The following GCNT2 variants were observed in gnomAD, a reference collection of about 807,000 sequenced individuals.
GCNT2 encodes glucosaminyl (N-acetyl) transferase 2 (I blood group).
A neutral mutation model predicts 34.2 loss-of-function variants in GCNT2; 34 were observed. The observed-to-expected ratio is 1.00, with a 90% CI of 0.76 to 1.32. The LOEUF (loss-of-function observed/expected upper bound fraction) is 1.32. GCNT2 is among the 40% of genes most tolerant of loss of function. GCNT2 has a pLI of 0.00. For synonymous variants in GCNT2, 212 were observed against 188.0 expected (o/e 1.13, Z -1.04); for missense variants, 584 against 489.4 (o/e 1.19, Z -1.82).
chr6:10,538,616 G>T (rs1029689307), intron 3 of GCNT2, among the ~76,000 whole-genome samples: 1 of 151,460 alleles, frequency 6.6e-6, no homozygotes, highest in Non-Finnish European at 1.5e-5. Context: ...GCACAACTGA[G>T]GACTGCTAAT....
intron 3 of GCNT2, among the ~76,000 whole-genome samples, chr6:10,539,726 A>G (rs1037840792): frequency 2.0e-5 from 3 of 152,218 alleles, no homozygotes; most frequent in African/African-American, 7.2e-5. Flanking sequence ...ATGTGCAACT[A>G]AAACAAAAAA....
intron 3 of GCNT2, among the ~76,000 whole-genome samples, chr6:10,551,354 G>A (rs1288883716): frequency 2.0e-5 from 3 of 151,508 alleles, no homozygotes; most frequent in African/African-American, 7.3e-5. Flanking sequence ...TTGCCGCCTG[G>A]GTCTTTAAAA....
rs545144078 is a variant in GCNT2, at chr6:10,537,625, C to T, written c.925+7789C>T. Among the ~76,000 whole-genome samples the T allele has an allele frequency of 7.3e-4, 104 of 141,658 alleles. 3 individuals are homozygous for T. In the South Asian group the frequency reaches 0.02, roughly 28 times the overall value. 92.9% of individuals were successfully genotyped at this position (141,658 alleles called of 152,430 possible). Reference sequence around the variant, plus strand: ...CTGAAGCAGGGGAATCGCTTAAACCCGGGAGGCGGAGGTTGCAGTGAGCCG... The same window carrying T: ...CTGAAGCAGGGGAATCGCTTAAACCTGGGAGGCGGAGGTTGCAGTGAGCCG... On this transcript the variant is annotated intron_variant, in intron 3 of 4. Coordinates refer to ENST00000495262, the MANE Select transcript of GCNT2 (RefSeq NM_145649.5).
intron 3 of GCNT2, among the ~76,000 whole-genome samples, chr6:10,616,627 A>G (rs115196786): frequency 9.2e-5 from 14 of 152,300 alleles, no homozygotes; most frequent in African/African-American, 2.9e-4. Flanking sequence ...TCCCTTAGAC[A>G]TAAAGGTTCT....
At chr6:10,547,933 C>T (rs1258900573) in intron 3 of GCNT2, among the ~76,000 whole-genome samples, 1 of 152,190 alleles carries the variant, frequency 6.6e-6, no homozygotes, top group Non-Finnish European at 1.5e-5. Flanking sequence ...CAGACTTGGC[C>T]AGTGAAAGCC....
chr6:10,551,333 C>T (rs1284726617), intron 3 of GCNT2, among the ~76,000 whole-genome samples: 1 of 152,038 alleles, frequency 6.6e-6, no homozygotes, highest in Non-Finnish European at 1.5e-5. Context: ...ATGGCAAGAC[C>T]ACCTCTGGAC....
intron 3 of GCNT2, among the ~76,000 whole-genome samples, chr6:10,565,155 C>T (rs924055177): frequency 4.6e-5 from 7 of 152,196 alleles, no homozygotes; most frequent in Admixed American, 2.0e-4. Context: ...AAAAGCAGCC[C>T]GTGTGGCCAT....
chr6:10,555,602 TA>T, intron 3 of GCNT2: 1 of 258,934 alleles, frequency 3.9e-6, no homozygotes, highest in Non-Finnish European at 6.0e-6. Context: ...CCCAGTATTC[TA>T]AGACAAACAC....
intron 3 of GCNT2, 122 bp downstream of exon 3, chr6:10,529,958 T>TAA: frequency 1.3e-6 from 1 of 794,400 alleles, no homozygotes. Flanking sequence ...AATGTCAAAT[T>TAA]AAAAAAAAAA....
intron 3 of GCNT2, among the ~76,000 whole-genome samples, chr6:10,579,780 C>T (rs58362627): frequency 0.023 from 3,441 of 146,576 alleles, 89 homozygotes; most frequent in African/African-American, 0.07. Context: ...CGTGCCACTG[C>T]GCTCCAGCCT....
At chr6:10,577,772 C>G (rs1457273671) in intron 3 of GCNT2, among the ~76,000 whole-genome samples, 1 of 151,956 alleles carries the variant, frequency 6.6e-6, no homozygotes. Flanking sequence ...AACTCCTGTC[C>G]TCTGGTGATC....
At chr6:10,556,968 G>A in intron 3 of GCNT2, 1 of 1,614,006 alleles carries the variant, frequency 6.2e-7, no homozygotes, top group Non-Finnish European at 8.5e-7. Context: ...GAGGTCTCAT[G>A]GAAGTACGTT....
intron 3 of GCNT2, among the ~76,000 whole-genome samples, chr6:10,588,238 G>A (rs1426814798): frequency 2.0e-5 from 3 of 152,140 alleles, no homozygotes; most frequent in Non-Finnish European, 4.4e-5. Flanking sequence ...TAGGAGGGGT[G>A]GTGAACCAAC....
chr6:10,551,179 T>C (rs992470020), intron 3 of GCNT2, among the ~76,000 whole-genome samples: 2 of 152,192 alleles, frequency 1.3e-5, no homozygotes, highest in East Asian at 3.9e-4. Flanking sequence ...CCTAGCCACA[T>C]GCGCCTTAAC....
chr6:10,575,830 G>T (rs921817896), intron 3 of GCNT2, among the ~76,000 whole-genome samples: 12 of 152,022 alleles, frequency 7.9e-5, no homozygotes, highest in African/African-American at 2.9e-4. Context: ...GGCTCAAAAA[G>T]CTCCCCCACT....
At chr6:10,564,267 C>CA (rs1763178930) in intron 3 of GCNT2, among the ~76,000 whole-genome samples, 1 of 152,116 alleles carries the variant, frequency 6.6e-6, no homozygotes, top group East Asian at 1.9e-4. Context: ...TGCCCTGTTC[C>CA]AAAAGCAGGA....
intron 3 of GCNT2, among the ~76,000 whole-genome samples, chr6:10,562,671 A>AAC (rs1554130711): frequency 1.3e-5 from 2 of 151,338 alleles, no homozygotes; most frequent in Non-Finnish European, 3.0e-5. Flanking sequence ...AAAAAAAAAA[A>AAC]AAAAAACAAA....
intron 3 of GCNT2, chr6:10,574,632 C>CT (rs1763709812): frequency 3.8e-6 from 1 of 263,204 alleles, no homozygotes; most frequent in Non-Finnish European, 7.3e-6. Flanking sequence ...GATCAGTGAA[C>CT]TATAGACCAT....
intron 3 of GCNT2, among the ~76,000 whole-genome samples, chr6:10,570,235 T>C (rs1294795902): frequency 6.6e-6 from 1 of 152,214 alleles, no homozygotes; most frequent in South Asian, 2.1e-4. Context: ...GCACCCAGCA[T>C]GTGGCATTCT....
Sources: gnomAD v4.1 joint callset for allele counts (sites outside exome capture counted in the v4.1 genomes callset) on GRCh38, gnomAD v4.1.1 for gene constraint, MANE v1.5 for transcripts, NCBI Gene and HGNC (gene_info 2026-07-23, HGNC 2026-07-21) for gene names.